Variants in ZNF148 observed in about 807,000 individuals in gnomAD.
ZNF148 encodes the protein zinc finger protein 148.
In ZNF148, 7 loss-of-function variants were observed where a neutral mutation model predicts 67.7. The ratio of observed to expected loss-of-function variants is 0.10; its 90% CI spans 0.06 to 0.19. The LOEUF (loss-of-function observed/expected upper bound fraction) is 0.19. Among genes scored for constraint, ZNF148 ranks in the 10% least tolerant of loss-of-function variants. The pLI, the probability that ZNF148 is intolerant of heterozygous loss-of-function variation, is 1.00. For missense variants in ZNF148, 583 were observed against 947.1 expected, an observed-to-expected ratio of 0.62 and a Z score of 5.05; for synonymous variants, 333 against 330.7, an observed-to-expected ratio of 1.01 and a Z score of -0.08.
intron 1 of ZNF148, among the ~76,000 whole-genome samples, chr3:125,371,373 G>A (rs61136456): frequency 0.026 from 68 of 2,588 alleles, no homozygotes; most frequent in Admixed American, 0.045. Flanking sequence ...AAAAAAAAAA[G>A]GGGGGGGGGG....
At chr3:125,368,444 G>A (rs1942767579) in intron 1 of ZNF148, among the ~76,000 whole-genome samples, 1 of 152,064 alleles carries the variant, frequency 6.6e-6, no homozygotes, top group African/African-American at 2.4e-5. Flanking sequence ...CTTCCTCCTT[G>A]GGAGTGTTTT....
intron 4 of ZNF148, among the ~76,000 whole-genome samples, chr3:125,309,092 CT>C (rs1351297889): frequency 1.3e-4 from 20 of 152,078 alleles, no homozygotes; most frequent in Non-Finnish European, 1.3e-4. Flanking sequence ...GAGGAATTGA[CT>C]GGGAAGAATT....
At chr3:125,350,601 T>C (rs1485307856) in intron 1 of ZNF148, among the ~76,000 whole-genome samples, 1 of 152,244 alleles carries the variant, frequency 6.6e-6, no homozygotes, top group African/African-American at 2.4e-5. Context: ...TGTTCCACCT[T>C]AGATCATCAG....
At chr3:125,249,537 T>TG (rs1367661837) in intron 7 of ZNF148, among the ~76,000 whole-genome samples, 1 of 151,944 alleles carries the variant, frequency 6.6e-6, no homozygotes, top group East Asian at 1.9e-4. Context: ...GGTGAAGCTG[T>TG]GAAGAAAAGA....
intron 1 of ZNF148, among the ~76,000 whole-genome samples, chr3:125,348,661 A>G (rs1942033451): frequency 6.6e-6 from 1 of 152,194 alleles, no homozygotes; most frequent in Admixed American, 6.5e-5. Context: ...TTAATGTTAA[A>G]ATGTCCATAC....
At chr3:125,249,996 A>G (rs950611638) in intron 7 of ZNF148, among the ~76,000 whole-genome samples, 2 of 152,154 alleles carry the variant, frequency 1.3e-5, no homozygotes, top group Admixed American at 6.5e-5. Context: ...ACAGAGTAGA[A>G]TAATAGTCAC....
At chr3:125,239,695 A>C (rs1381499221) in intron 7 of ZNF148, among the ~76,000 whole-genome samples, 1 of 152,252 alleles carries the variant, frequency 6.6e-6, no homozygotes, top group East Asian at 1.9e-4. Context: ...AGTTCACACA[A>C]AAACTCATGC....
intron 4 of ZNF148, among the ~76,000 whole-genome samples, chr3:125,288,443 A>AT (rs571354464): frequency 8.7e-5 from 13 of 149,674 alleles, no homozygotes; most frequent in African/African-American, 1.5e-4. Context: ...GGATAAACAG[A>AT]TTTTTTTTTT....
chr3:125,233,120 T>C lies in ZNF148; in HGVS notation c.1606A>G (p.Ile536Val). 6.2e-7 allele frequency: 1 copy of C among 1,613,812 alleles called. No individual in the cohort carries two copies. Among genetic ancestry groups the C allele is most frequent in the Non-Finnish European group, 8.5e-7 (1 of 1,179,858 alleles). Residue 536 changes from isoleucine to valine, a missense_variant, in exon 9 of 9, where the codon ATT (isoleucine) becomes GTT (valine). Coordinates refer to ENST00000360647, the MANE Select transcript of ZNF148 (RefSeq NM_021964.3). The surrounding 1 kb of genome is among the most constrained non-coding windows in gnomAD (Gnocchi z 5.1). ...EIKSNHDKNVIPDEVLQTLLD... is the reference protein window; with the variant it reads ...EIKSNHDKNVVPDEVLQTLLD... ...AGAGTCTGCAGTACCTCATCTGGAATAACATTTTTGTCATGATTACTCTTA... is the reference window on the plus strand; with the variant it reads ...AGAGTCTGCAGTACCTCATCTGGAACAACATTTTTGTCATGATTACTCTTA...
intron 1 of ZNF148, among the ~76,000 whole-genome samples, chr3:125,360,856 T>A (rs576839870): frequency 4.3e-4 from 64 of 148,754 alleles, no homozygotes; most frequent in South Asian, 1.5e-3. Context: ...AATTAAAAAA[T>A]ATATATATAC....
At chr3:125,300,552 C>T (rs1019164750) in intron 4 of ZNF148, among the ~76,000 whole-genome samples, 1 of 152,070 alleles carries the variant, frequency 6.6e-6, no homozygotes, top group East Asian at 1.9e-4. Flanking sequence ...ATCATAAACA[C>T]GAAAATGCGT....
At chr3:125,262,763 T>C (rs773514964) in intron 7 of ZNF148, among the ~76,000 whole-genome samples, 1 of 152,222 alleles carries the variant, frequency 6.6e-6, no homozygotes, top group East Asian at 1.9e-4. Context: ...AATCAGAACA[T>C]TCAGCTTCCA....
chr3:125,291,644 T>C (rs1939021846), intron 4 of ZNF148, among the ~76,000 whole-genome samples: 1 of 152,156 alleles, frequency 6.6e-6, no homozygotes, highest in South Asian at 2.1e-4. Context: ...AGCTACTTCT[T>C]CTCTTCTTAA....
intron 1 of ZNF148, among the ~76,000 whole-genome samples, chr3:125,348,678 C>T (rs1315075710): frequency 3.3e-5 from 5 of 152,104 alleles, no homozygotes; most frequent in Non-Finnish European, 7.4e-5. Flanking sequence ...ATACTACTCA[C>T]AGCGATGTAC....
chr3:125,301,639 T>G (rs1939592328), intron 4 of ZNF148, among the ~76,000 whole-genome samples: 4 of 152,176 alleles, frequency 2.6e-5, no homozygotes, highest in African/African-American at 9.7e-5. Flanking sequence ...ATTAACATGC[T>G]CAATATCAAT....
intron 1 of ZNF148, among the ~76,000 whole-genome samples, chr3:125,369,528 A>T (rs1942812532): frequency 6.6e-6 from 1 of 151,824 alleles, no homozygotes; most frequent in African/African-American, 2.4e-5. Flanking sequence ...AATTCTATAG[A>T]ATTGTACTCA....
intron 7 of ZNF148, among the ~76,000 whole-genome samples, chr3:125,238,779 G>A (rs1308766537): frequency 1.3e-5 from 2 of 152,110 alleles, no homozygotes; most frequent in Non-Finnish European, 2.9e-5. Context: ...TAAAAGAATT[G>A]AAAACATGGA....
At chr3:125,264,439 G>A (rs529452876) in intron 7 of ZNF148, among the ~76,000 whole-genome samples, 110 of 152,292 alleles carry the variant, frequency 7.2e-4, no homozygotes, top group African/African-American at 2.4e-3. Context: ...GTTGGTATGA[G>A]GAAAAACCCA....
At chr3:125,258,193 T>C (rs1269110618) in intron 7 of ZNF148, among the ~76,000 whole-genome samples, 2 of 151,704 alleles carry the variant, frequency 1.3e-5, no homozygotes, top group Admixed American at 1.3e-4. Context: ...GAGGCCAAGG[T>C]GGGCGGATCA....
Sources: allele counts gnomAD v4.1 joint callset (sites outside exome capture counted in the v4.1 genomes callset), GRCh38; gene constraint gnomAD v4.1.1; non-coding constraint Gnocchi (gnomAD v3.1); transcripts MANE v1.5; gene names NCBI Gene and HGNC (gene_info 2026-07-23, HGNC 2026-07-21).